Variants in KCNQ4 observed in about 807,000 individuals in gnomAD.
KCNQ4 encodes the protein potassium voltage-gated channel subfamily Q member 4, also known as potassium voltage-gated channel subfamily KQT member 4.
KCNQ4 carries 31 observed loss-of-function variants against 72.6 expected under a neutral mutation model. That is an observed-to-expected ratio of 0.43 (90% CI 0.32 to 0.58). The LOEUF (loss-of-function observed/expected upper bound fraction) is 0.58, where lower values mean the gene tolerates loss of function less well. Ranked by LOEUF, KCNQ4 falls within the 20% of genes least tolerant of loss-of-function variation. KCNQ4 has a pLI of 0.08. For synonymous variants in KCNQ4, 405 were observed against 403.7 expected (o/e 1.00, Z -0.04); for missense variants, 869 against 962.6 (o/e 0.90, Z 1.29).
intron 1 of KCNQ4, among the ~76,000 whole-genome samples, chr1:40,805,859 T>G (rs1054774242): frequency 1.1e-4 from 17 of 152,082 alleles, no homozygotes; most frequent in Non-Finnish European, 2.4e-4. Flanking sequence ...TTTTTTTTTT[T>G]AAGATGGAGT....
chr1:40,837,834 A>C (rs1219031741), intron 13 of KCNQ4, 40 bp downstream of exon 13: 3 of 1,586,984 alleles, frequency 1.9e-6, no homozygotes, highest in Non-Finnish European at 2.6e-6. Flanking sequence ...CCATACCAAG[A>C]AGCTCTGGGG....
Position 40,784,135 on chromosome 1 carries a change from GC to G in KCNQ4, c.45del (p.Asp17ThrfsTer7). The stretch of plus-strand genomic sequence containing the variant: ...CGCGCCGCCTCGGCCTGGGTCCCCC[GC>G]CCGGGGACGCCCCCCGCGCGGAGCT... ...PPRRLGLGPP[P>X]GDAPRAELVA... On this transcript the variant is annotated frameshift_variant, in exon 1 of 14. Transcript: ENST00000347132. LOFTEE classifies it high-confidence loss of function. The surrounding 1 kb of genome is among the most constrained non-coding windows in gnomAD (Gnocchi z 4.1). 2 of 976,498 alleles carry G rather than the reference GC, an allele frequency of 2.0e-6. No individual in the cohort carries two copies. Among genetic ancestry groups the G allele is most frequent in the South Asian group, 3.5e-5 (1 of 28,360 alleles). 60.5% of individuals were successfully genotyped at this position (976,498 alleles called of 1,614,324 possible).
Position 40,838,626 on chromosome 1 carries a change from T to G in KCNQ4, c.*103T>G, listed in dbSNP as rs1648885033. ...TCCTCTCGTACTTGAACTCACTCCC[T>G]CACGGGGAGAGAGACCACACGCAGT... is the stretch of plus-strand genomic sequence containing the variant. On this transcript the variant is annotated 3_prime_UTR_variant, in exon 14 of 14. Transcript: ENST00000347132. 9.2e-7 allele frequency: 1 copy of G among 1,088,940 alleles called. No homozygotes were observed. The highest frequency in any genetic ancestry group is 1.6e-5 in the African/African-American group (1 of 63,998). 67.5% of individuals were successfully genotyped at this position (1,088,940 alleles called of 1,614,324 possible).
At chr1:40,796,162 G>A (rs1307899269) in intron 1 of KCNQ4, among the ~76,000 whole-genome samples, 2 of 152,114 alleles carry the variant, frequency 1.3e-5, no homozygotes, top group African/African-American at 4.8e-5. Flanking sequence ...CAGGACTGTG[G>A]TGGGGGGCCG....
intron 8 of KCNQ4, 109 bp downstream of exon 8, chr1:40,822,511 G>A (rs991520371): frequency 3.5e-5 from 30 of 854,632 alleles, no homozygotes; most frequent in Middle Eastern, 3.3e-4. Context: ...ATGGCTCCCA[G>A]GGGAGCACCC....
chr1:40,819,372 G>A lies in KCNQ4; in HGVS notation c.734G>A (p.Gly245Glu), dbSNP rs755065456. The A allele has an allele frequency of 4.3e-6, 7 of 1,613,892 alleles. No individual in the cohort carries two copies. In the Admixed American group the frequency reaches 1.2e-4, roughly 27 times the overall value. The stretch of plus-strand genomic sequence containing the variant: ...GAGCTGATCACCGCCTGGTACATCG[G>A]GTTCCTGGTGCTCATCTTCGCCTCC... ...SKELITAWYIGFLVLIFASFL... is the reference protein window; with the variant it reads ...SKELITAWYIEFLVLIFASFL... Residue 245 changes from glycine (G) to glutamate (E), a missense_variant, in exon 5 of 14, where the codon GGG becomes GAG. By Grantham distance (98) the Gly-to-Glu change is moderately conservative. This residue lies in a region of KCNQ4 where 179 missense variants were observed against 243.0 expected (regional missense o/e 0.74). Coordinates refer to ENST00000347132, the MANE Select transcript of KCNQ4 (RefSeq NM_004700.4).
At position 40,784,312 on chromosome 1, in the gene KCNQ4, C is replaced by T; in HGVS notation, c.219C>T (p.Ser73=). ...SGSGSACGQR[S]SAAHKRYRRL... is the part of the protein sequence containing the mutation. ...CGGGCTCCGCCTGCGGCCAGCGCTC[C>T]TCGGCCGCGCACAAGCGCTACCGCC... The change falls in exon 1 of 14, where the codon TCC becomes TCT. Residue 73 remains serine, a synonymous_variant. Transcript: ENST00000347132. The surrounding 1 kb of genome is among the most constrained non-coding windows in gnomAD (Gnocchi z 4.1). 6.2e-7 allele frequency: 1 copy of T among 1,605,116 alleles called. No individual in the cohort carries two copies.
chr1:40,826,907 T>G (rs555448071), intron 9 of KCNQ4, among the ~76,000 whole-genome samples: 49 of 152,344 alleles, frequency 3.2e-4, no homozygotes, highest in African/African-American at 1.2e-3. Context: ...TGCAGGAGCC[T>G]TAAGGATGTG....
rs754076761 is a variant in KCNQ4 at position 40,838,449 on chromosome 1, G to A, written c.2014G>A (p.Val672Met). The A allele has an allele frequency of 2.2e-5, 36 of 1,614,042 alleles. 2 individuals carry two copies. In the East Asian group the frequency reaches 6.9e-4, roughly 31 times the overall value. Residue 672 changes from valine (V) to methionine (M), a missense_variant, in exon 14 of 14, where the codon GTG (valine) becomes ATG (methionine). Transcript: ENST00000347132. ...PDITSDYHSP[V>M]DHEDISVSAQ... ...CATCACCTCCGACTACCACAGCCCTGTGGACCACGAGGACATCTCCGTCTC... is the reference window on the plus strand; with the variant it reads ...CATCACCTCCGACTACCACAGCCCTATGGACCACGAGGACATCTCCGTCTC...
chr1:40,792,684 C>T (rs982168697), intron 1 of KCNQ4, among the ~76,000 whole-genome samples: 44 of 152,100 alleles, frequency 2.9e-4, no homozygotes, highest in South Asian at 4.2e-4. Flanking sequence ...AGACGGGGGA[C>T]GGGGAAAGGA....
intron 1 of KCNQ4, among the ~76,000 whole-genome samples, chr1:40,799,903 G>A (rs1477545697): frequency 6.6e-6 from 1 of 152,206 alleles, no homozygotes; most frequent in Non-Finnish European, 1.5e-5. Context: ...ACCTGATACA[G>A]AAGCACAATA....
At chr1:40,830,739 C>T (rs933577741) in intron 9 of KCNQ4, among the ~76,000 whole-genome samples, 10 of 152,016 alleles carry the variant, frequency 6.6e-5, no homozygotes, top group Admixed American at 3.3e-4. Context: ...CACTCACCTG[C>T]GCCAGGCCCA....
At position 40,820,180 on chromosome 1, in the gene KCNQ4, G is replaced by A. The variant is rs28939710; in HGVS notation, c.961G>A (p.Gly321Ser). ...ATCCCTCTAGGGCATCCTAGGCTCC[G>A]GCTTTGCCCTGAAGGTCCAGGAGCA... ...FALPAGILGSGFALKVQEQHR... is the reference protein window; with the variant it reads ...FALPAGILGSSFALKVQEQHR... The change falls in exon 7 of 14, where the codon GGC becomes AGC. Residue 321 changes from glycine (G) to serine (S), a missense_variant. Physicochemically the swap from Gly to Ser is moderately conservative, Grantham distance 56 (BLOSUM62 0). Around this residue, in one of 5 missense-constraint regions of KCNQ4, gnomAD observed 13 missense variants for 46.0 expected, o/e 0.28. Transcript: ENST00000347132. The A allele has an allele frequency of 6.2e-7, 1 of 1,608,748 alleles. No homozygotes were observed. Among genetic ancestry groups the A allele is most frequent in the Non-Finnish European group, 8.5e-7 (1 of 1,177,646 alleles).
At chr1:40,830,866 T>C (rs567282718) in intron 9 of KCNQ4, among the ~76,000 whole-genome samples, 145 of 152,198 alleles carry the variant, frequency 9.5e-4, no homozygotes, top group African/African-American at 3.4e-3. Context: ...GGGATGTGGG[T>C]GGTGGGGAGA....
intron 10 of KCNQ4, among the ~76,000 whole-genome samples, chr1:40,832,393 C>T (rs1048838393): frequency 3.3e-5 from 5 of 152,190 alleles, no homozygotes; most frequent in Admixed American, 1.3e-4. Context: ...GAAGCCTGGG[C>T]ACAGCTGGTG....
intron 1 of KCNQ4, among the ~76,000 whole-genome samples, chr1:40,789,514 C>T (rs530236725): frequency 6.6e-6 from 1 of 152,076 alleles, no homozygotes; most frequent in African/African-American, 2.4e-5. Context: ...GCTGGGGAGA[C>T]CATCCTGTTC....
At chr1:40,807,201 C>T (rs1052686820) in intron 1 of KCNQ4, among the ~76,000 whole-genome samples, 5 of 152,098 alleles carry the variant, frequency 3.3e-5, no homozygotes, top group Non-Finnish European at 7.4e-5. Context: ...TATGTGCTGG[C>T]GGCTGCTGTC....
In KCNQ4 at chr1:40,839,038, C is replaced by T; in HGVS notation, c.*515C>T. On this transcript the variant is annotated 3_prime_UTR_variant, in exon 14 of 14. Coordinates refer to ENST00000347132, the MANE Select transcript of KCNQ4 (RefSeq NM_004700.4). The stretch of plus-strand genomic sequence containing the variant: ...ACAAGGCAGGTGGACACCATATATG[C>T]AAACCATGTTAAATATGCAACTTTG... 5.5e-6 allele frequency: 1 copy of T among 182,692 alleles called. No individual in the cohort carries two copies. Among genetic ancestry groups the T allele is most frequent in the Non-Finnish European group, 1.2e-5 (1 of 85,292 alleles). The allele number at this position is 182,692 out of a possible 1,614,324, so 11.3% of individuals were successfully genotyped here.
rs1432032918 is a variant in KCNQ4 at position 40,788,392 on chromosome 1, A to C, written c.314+3985A>C. Among the ~76,000 whole-genome samples, 1 of 152,152 alleles carries C rather than the reference A, an allele frequency of 6.6e-6. No homozygotes were observed. Among genetic ancestry groups the C allele is most frequent in the Non-Finnish European group, 1.5e-5 (1 of 68,028 alleles). On this transcript the variant is annotated intron_variant, in intron 1 of 13. Coordinates refer to ENST00000347132, the MANE Select transcript of KCNQ4 (RefSeq NM_004700.4). The surrounding 1 kb of genome is among the most constrained non-coding windows in gnomAD (Gnocchi z 4.5). Reference sequence around the variant, plus strand: ...GTCCAGGACTGTTCGCTCCGTTCCTAGTGGCCACCGGGCTTGGCTCTTGGA... The same window carrying C: ...GTCCAGGACTGTTCGCTCCGTTCCTCGTGGCCACCGGGCTTGGCTCTTGGA...
Sources: allele counts gnomAD v4.1 joint callset (sites outside exome capture counted in the v4.1 genomes callset), GRCh38; gene constraint gnomAD v4.1.1; regional missense constraint gnomAD v4.1.1; non-coding constraint Gnocchi (gnomAD v3.1); transcripts MANE v1.5; gene names NCBI Gene and HGNC (gene_info 2026-07-23, HGNC 2026-07-21).